The following FGF14 variants were observed in gnomAD, a reference collection of about 807,000 sequenced individuals.
The protein encoded by FGF14 is fibroblast growth factor homologous factor 4.
In FGF14, 5 loss-of-function variants were observed where a neutral mutation model predicts 25.5. The ratio of observed to expected loss-of-function variants is 0.20; its 90% CI spans 0.10 to 0.41. FGF14 has a LOEUF of 0.41. FGF14 is among the 10% of genes least tolerant of loss of function. The pLI, the probability that FGF14 is intolerant of heterozygous loss-of-function variation, is 1.00. For synonymous variants in FGF14, 138 were observed against 118.3 expected, an observed-to-expected ratio of 1.17 and a Z score of -1.08; for missense variants, 222 against 320.1, an observed-to-expected ratio of 0.69 and a Z score of 2.34.
intron 1 of FGF14, among the ~76,000 whole-genome samples, chr13:102,298,140 A>G (rs1419887237): frequency 1.3e-5 from 2 of 150,274 alleles, no homozygotes; most frequent in Admixed American, 1.3e-4. Flanking sequence ...ATTTAAGTAC[A>G]TGTGTTCTCA....
chr13:102,290,836 G>A (rs552632363), intron 1 of FGF14, among the ~76,000 whole-genome samples: 27 of 152,276 alleles, frequency 1.8e-4, no homozygotes, highest in Admixed American at 3.3e-4. Context: ...CTACGCAGTT[G>A]TCACCAGCCC....
intron 1 of FGF14, among the ~76,000 whole-genome samples, chr13:102,222,631 T>C (rs1283570668): frequency 6.6e-6 from 1 of 152,160 alleles, no homozygotes. Flanking sequence ...TTAAGAAAAA[T>C]GCAGAATAGC....
intron 3 of FGF14, among the ~76,000 whole-genome samples, chr13:101,834,953 GACATA>G (rs2042850200): frequency 6.6e-6 from 1 of 152,062 alleles, no homozygotes; most frequent in African/African-American, 2.4e-5. Flanking sequence ...ACATGGACTA[GACATA>G]ACATATTTGT....
At chr13:101,886,394 T>C (rs1052855461) in intron 1 of FGF14, among the ~76,000 whole-genome samples, 1 of 152,180 alleles carries the variant, frequency 6.6e-6, no homozygotes, top group South Asian at 2.1e-4. Flanking sequence ...TCCACACATT[T>C]TTGTTCACAA....
At position 102,160,934 on chromosome 13, in the gene FGF14, T is replaced by G. The variant is rs1434693658; in HGVS notation, c.208+240537A>C. On this transcript the variant is annotated intron_variant, in intron 1 of 4. Coordinates refer to the FGF14 transcript ENST00000376131. ...ACAACTCAACGGAAGAACTCACAAC[T>G]GAACCTCAGCACTTCAGTTAGTCTT... 2.0e-5 allele frequency among the ~76,000 whole-genome samples: 3 copies of G among 152,296 alleles called. No homozygotes were observed. In the East Asian group the frequency reaches 5.8e-4, roughly 29 times the overall value.
intron 1 of FGF14, among the ~76,000 whole-genome samples, chr13:102,329,389 T>C (rs914637851): frequency 2.6e-5 from 4 of 152,102 alleles, no homozygotes; most frequent in Non-Finnish European, 4.4e-5. Flanking sequence ...TCTCTCTCCA[T>C]TCCCCCTCCC....
At chr13:102,308,478 A>G (rs1256787711) in intron 1 of FGF14, among the ~76,000 whole-genome samples, 1 of 152,166 alleles carries the variant, frequency 6.6e-6, no homozygotes, top group Non-Finnish European at 1.5e-5. Context: ...TTTGGGTAAC[A>G]CCACGGCCCT....
intron 3 of FGF14, among the ~76,000 whole-genome samples, chr13:101,818,822 T>C (rs2041970607): frequency 6.6e-6 from 1 of 152,216 alleles, no homozygotes; most frequent in Non-Finnish European, 1.5e-5. Flanking sequence ...ATAATCCCTA[T>C]GCAGAGCTAA....
At chr13:102,032,325 T>C (rs757867161) in intron 1 of FGF14, among the ~76,000 whole-genome samples, 2 of 152,112 alleles carry the variant, frequency 1.3e-5, no homozygotes, top group Non-Finnish European at 2.9e-5. Flanking sequence ...CTAGTTCTTG[T>C]GCTCTGTGGT....
intron 1 of FGF14, among the ~76,000 whole-genome samples, chr13:102,023,043 GACACACACACACAC>G (rs59221538): frequency 3.6e-4 from 52 of 146,192 alleles, no homozygotes; most frequent in Non-Finnish European, 7.2e-4. Flanking sequence ...AATATTTTCG[GACACACACACACAC>G]ACACACACAC....
upstream of FGF14, chr13:102,401,918 A>T: frequency 1.7e-6 from 1 of 576,958 alleles, no homozygotes. Context: ...AGTAATGCAC[A>T]AAAGATCCCC....
At chr13:102,352,728 C>T (rs1357035002) in intron 1 of FGF14, among the ~76,000 whole-genome samples, 2 of 149,706 alleles carry the variant, frequency 1.3e-5, no homozygotes, top group African/African-American at 2.5e-5. Flanking sequence ...AGGAGAATGG[C>T]GTGAACCCAG....
chr13:102,023,845 GA>G (rs1295464325), intron 1 of FGF14, among the ~76,000 whole-genome samples: 1 of 151,828 alleles, frequency 6.6e-6, no homozygotes, highest in Non-Finnish European at 1.5e-5. Flanking sequence ...CACAAGAGGA[GA>G]ATAAAATAAC....
intron 1 of FGF14, among the ~76,000 whole-genome samples, chr13:102,220,371 CA>C (rs1452964397): frequency 1.1e-5 from 1 of 87,352 alleles, no homozygotes; most frequent in Non-Finnish European, 2.6e-5. Flanking sequence ...CACTTCTAGT[CA>C]TCAACATGAT....
chr13:102,337,582 T>C (rs897113504), intron 1 of FGF14, among the ~76,000 whole-genome samples: 1 of 152,174 alleles, frequency 6.6e-6, no homozygotes, highest in Admixed American at 6.5e-5. Context: ...TTTGAGAGAA[T>C]TGAGTCAAAT....
intron 1 of FGF14, among the ~76,000 whole-genome samples, chr13:102,181,842 C>T (rs1825069772): frequency 6.6e-6 from 1 of 152,072 alleles, no homozygotes; most frequent in African/African-American, 2.4e-5. Flanking sequence ...CTGGGGATTA[C>T]GGCATGGACG....
chr13:101,950,007 C>T lies in FGF14; in HGVS notation c.209-74711G>A, dbSNP rs931566248. Among the ~76,000 whole-genome samples the T allele has an allele frequency of 4.6e-4, 69 of 150,872 alleles. 1 individual carries two copies. The highest frequency in any genetic ancestry group is 1.4e-3 in the African/African-American group (57 of 41,088). On this transcript the variant is annotated intron_variant, in intron 1 of 4. Coordinates refer to the FGF14 transcript ENST00000376131. ...TGAGGCAAGTTTTCTTTTTCTTTTT[C>T]TTTTTTTTTCATTTTCCTCCTTGAT...
chr13:101,772,970 A>G (rs994605176), intron 3 of FGF14, among the ~76,000 whole-genome samples: 1 of 152,158 alleles, frequency 6.6e-6, no homozygotes, highest in African/African-American at 2.4e-5. Context: ...AAATATATAG[A>G]TAGCAAATGG....
chr13:101,946,718 T>G (rs1319389337), intron 1 of FGF14, among the ~76,000 whole-genome samples: 63 of 152,314 alleles, frequency 4.1e-4, no homozygotes, highest in African/African-American at 1.4e-3. Flanking sequence ...TTTTTAAGAA[T>G]ACAAACTCTT....
Sources: gnomAD v4.1 joint callset for allele counts (sites outside exome capture counted in the v4.1 genomes callset) on GRCh38, gnomAD v4.1.1 for gene constraint, MANE v1.5 for transcripts, NCBI Gene and HGNC (gene_info 2026-07-23, HGNC 2026-07-21) for gene names.